MINDY3: variants seen among roughly 807,000 people sequenced by gnomAD.
MINDY3 encodes ubiquitin carboxyl-terminal hydrolase MINDY-3.
MINDY3 carries 38 observed loss-of-function variants against 69.2 expected under a neutral mutation model. The ratio of observed to expected loss-of-function variants is 0.55; its 90% CI spans 0.42 to 0.72. The LOEUF (loss-of-function observed/expected upper bound fraction) is 0.72, where lower values mean the gene tolerates loss of function less well. Among genes scored for constraint, MINDY3 ranks in the 30% least tolerant of loss-of-function variants. The pLI, the probability that MINDY3 is intolerant of heterozygous loss-of-function variation, is 0.00. For synonymous variants in MINDY3, 192 were observed against 180.1 expected (o/e 1.07, Z -0.53); for missense variants, 522 against 519.0 (o/e 1.01, Z -0.06).
At chr10:15,791,179 A>G (rs1252402207) in intron 11 of MINDY3, among the ~76,000 whole-genome samples, 2 of 152,144 alleles carry the variant, frequency 1.3e-5, no homozygotes, top group Non-Finnish European at 2.9e-5. Context: ...CAATAATTCA[A>G]AACTTTTAAT....
chr10:15,840,367 A>C (rs1260541211), intron 4 of MINDY3, among the ~76,000 whole-genome samples: 1 of 151,602 alleles, frequency 6.6e-6, no homozygotes, highest in Non-Finnish European at 1.5e-5. Context: ...GAAGCATCAT[A>C]TAGCTGTTCA....
At chr10:15,791,098 C>G (rs1344899752) in intron 11 of MINDY3, among the ~76,000 whole-genome samples, 1 of 152,112 alleles carries the variant, frequency 6.6e-6, no homozygotes, top group Non-Finnish European at 1.5e-5. Context: ...GTAACCATAA[C>G]TGTACCCGGT....
intron 13 of MINDY3, 77 bp from the exon 14 acceptor site, chr10:15,782,303 G>A: frequency 3.0e-6 from 3 of 990,420 alleles, no homozygotes; most frequent in Non-Finnish European, 4.5e-6. Flanking sequence ...AAAGTAAAAT[G>A]CATGTTTCTC....
At chr10:15,779,521 C>T (rs1052222473) in intron 14 of MINDY3, among the ~76,000 whole-genome samples, 3 of 152,132 alleles carry the variant, frequency 2.0e-5, no homozygotes, top group Non-Finnish European at 4.4e-5. Context: ...CTGAGGTTCT[C>T]AGATGCTCAT....
intron 6 of MINDY3, among the ~76,000 whole-genome samples, chr10:15,836,359 A>C (rs1833085318): frequency 1.3e-5 from 2 of 152,048 alleles, no homozygotes. Context: ...AGGTTCAGAC[A>C]GAAGACCAAA....
At chr10:15,801,181 G>T (rs533172027) in intron 10 of MINDY3, among the ~76,000 whole-genome samples, 2 of 152,112 alleles carry the variant, frequency 1.3e-5, no homozygotes, top group South Asian at 4.2e-4. Context: ...ATTCCGGCAT[G>T]GGGGGGAAAT....
At chr10:15,798,102 C>T (rs146191219) in intron 10 of MINDY3, among the ~76,000 whole-genome samples, 3 of 152,064 alleles carry the variant, frequency 2.0e-5, no homozygotes, top group Non-Finnish European at 4.4e-5. Context: ...CCTTTTTTTG[C>T]GGTCACCAAT....
intron 11 of MINDY3, among the ~76,000 whole-genome samples, chr10:15,794,407 G>T (rs1837652234): frequency 6.6e-6 from 1 of 152,024 alleles, no homozygotes; most frequent in South Asian, 2.1e-4. Context: ...TATACACATA[G>T]CTAAACCACG....
At chr10:15,842,827 T>C (rs1294781810) in intron 3 of MINDY3, among the ~76,000 whole-genome samples, 3 of 151,356 alleles carry the variant, frequency 2.0e-5, no homozygotes, top group African/African-American at 4.8e-5. Flanking sequence ...AGTATTTGCA[T>C]TGTGTAAGGC....
intron 2 of MINDY3, among the ~76,000 whole-genome samples, chr10:15,846,875 C>G (rs935261499): frequency 6.6e-6 from 1 of 152,084 alleles, no homozygotes; most frequent in Non-Finnish European, 1.5e-5. Flanking sequence ...AGGTGCCCAC[C>G]ACCACGCCCG....
At chr10:15,816,712 T>C (rs1187664232) in intron 10 of MINDY3, 123 bp downstream of exon 10, 5 of 691,362 alleles carry the variant, frequency 7.2e-6, no homozygotes, top group Non-Finnish European at 1.0e-5. Flanking sequence ...TTTGAGATTT[T>C]TGAACAATTC....
intron 8 of MINDY3, among the ~76,000 whole-genome samples, chr10:15,831,636 G>A (rs1341353225): frequency 6.6e-6 from 1 of 150,614 alleles, no homozygotes; most frequent in Non-Finnish European, 1.5e-5. Flanking sequence ...AGGAAGTAAC[G>A]ACTTCACGTC....
chr10:15,818,176 G>T (rs569054116), intron 9 of MINDY3, among the ~76,000 whole-genome samples: 1 of 152,258 alleles, frequency 6.6e-6, no homozygotes, highest in African/African-American at 2.4e-5. Flanking sequence ...AAATAGTACA[G>T]AGCTAGAATT....
At chr10:15,782,383 C>T in intron 13 of MINDY3, 157 bp from the exon 14 acceptor site, 1 of 557,790 alleles carries the variant, frequency 1.8e-6, no homozygotes, top group East Asian at 3.1e-5. Context: ...GTTGTAACTA[C>T]CAGAAAGCCC....
chr10:15,844,387 T>C (rs937269770), intron 2 of MINDY3, among the ~76,000 whole-genome samples: 10 of 152,198 alleles, frequency 6.6e-5, no homozygotes, highest in Non-Finnish European at 1.5e-4. Context: ...TAACTACTGT[T>C]AGCATTTTGA....
At position 15,843,222 on chromosome 10, in the gene MINDY3, C is replaced by T. The variant is rs144611478; in HGVS notation, c.225G>A (p.Arg75=). ...AGACAGCTATCATACCTGAACAATC[C>T]CGCCAAGAAGACTTCTCCGAAGAAA... ...LLFSSEKSSW[R]DCSEEEQKEL... The change falls in exon 3 of 15, where the codon CGG becomes CGA. Residue 75 remains arginine (R), a synonymous_variant. Transcript: ENST00000277632. 1.7e-5 allele frequency: 28 copies of T among 1,612,574 alleles called. No individual in the cohort carries two copies. The African/African-American group carries it at 3.6e-4, about 21-fold the overall frequency.
chr10:15,838,296 C>A lies in MINDY3; in HGVS notation c.410-17G>T. On this transcript the variant is annotated splice_polypyrimidine_tract_variant and intron_variant, in intron 4 of 14. Transcript: ENST00000277632. ...CCAAGGCAGCTATACATAAAAGACA[C>A]TTTTCAGCACTACACATGGCAAATA... 1 of 1,593,314 alleles carries A rather than the reference C, an allele frequency of 6.3e-7. No homozygotes were observed. Among genetic ancestry groups the A allele is most frequent in the Non-Finnish European group, 8.5e-7 (1 of 1,171,850 alleles).
chr10:15,804,695 T>C (rs1465987421), intron 10 of MINDY3, among the ~76,000 whole-genome samples: 1 of 152,210 alleles, frequency 6.6e-6, no homozygotes, highest in East Asian at 1.9e-4. Flanking sequence ...TACTTTATAA[T>C]GTTTCACCTT....
chr10:15,790,901 C>A (rs1837358857), intron 11 of MINDY3, among the ~76,000 whole-genome samples: 1 of 152,108 alleles, frequency 6.6e-6, no homozygotes, highest in South Asian at 2.1e-4. Context: ...TCATGGCTGG[C>A]AGCCTTTCCG....
Sources: gnomAD v4.1 joint callset for allele counts (sites outside exome capture counted in the v4.1 genomes callset) on GRCh38, gnomAD v4.1.1 for gene constraint, MANE v1.5 for transcripts, NCBI Gene and HGNC (gene_info 2026-07-23, HGNC 2026-07-21) for gene names.